Variants in FMNL3 observed in about 807,000 individuals in gnomAD.
FMNL3 encodes the protein formin-like protein 3.
FMNL3 carries 57 observed loss-of-function variants against 119.6 expected under a neutral mutation model. That is an observed-to-expected ratio of 0.48 (90% confidence interval 0.39 to 0.59). The LOEUF (loss-of-function observed/expected upper bound fraction) is 0.59, where lower values mean the gene tolerates loss of function less well. Among genes scored for constraint, FMNL3 ranks in the 20% least tolerant of loss-of-function variants. The pLI, the probability that FMNL3 is intolerant of heterozygous loss-of-function variation, is 0.00. For missense variants in FMNL3, 1,053 were observed against 1,323.5 expected (o/e 0.80, Z 3.17); for synonymous variants, 491 against 507.3 (o/e 0.97, Z 0.43).
At chr12:49,646,202 G>T (rs182459573) in intron 25 of FMNL3, among the ~76,000 whole-genome samples, 1 of 152,186 alleles carries the variant, frequency 6.6e-6, no homozygotes, top group South Asian at 2.1e-4. Flanking sequence ...CTGACTGGAC[G>T]TCAGGAAACA....
At chr12:49,676,534 T>G (rs1944193685) in intron 1 of FMNL3, among the ~76,000 whole-genome samples, 1 of 150,020 alleles carries the variant, frequency 6.7e-6, no homozygotes, top group South Asian at 2.1e-4. Context: ...TTTTTTTTTT[T>G]TTTTTTTTTT....
rs762600633 is a variant in FMNL3 at position 49,637,544 on chromosome 12, C to T, written c.*8271G>A. 3 of 1,613,918 alleles carry T rather than the reference C, an allele frequency of 1.9e-6. No individual in the cohort carries two copies. The highest frequency in any genetic ancestry group is 2.5e-6 in the Non-Finnish European group (3 of 1,180,048). Reference sequence around the variant, plus strand: ...CCTGGATGGAGCTATATCCAGCAGTCAGCACTGATGTCCGCTTTGCCAACA... The same window carrying T: ...CCTGGATGGAGCTATATCCAGCAGTTAGCACTGATGTCCGCTTTGCCAACA... On this transcript the variant is annotated 3_prime_UTR_variant, in exon 26 of 26. Coordinates refer to ENST00000335154, the MANE Select transcript of FMNL3 (RefSeq NM_175736.5).
At chr12:49,703,505 C>T (rs1051734374) in intron 1 of FMNL3, among the ~76,000 whole-genome samples, 3 of 152,152 alleles carry the variant, frequency 2.0e-5, no homozygotes, top group Non-Finnish European at 2.9e-5. Context: ...AGCTTCACAA[C>T]CTTTTTCCCA....
chr12:49,649,925 C>A lies in FMNL3; in HGVS notation c.2001G>T (p.Thr667=). ...SAEEICRAIH[T]FDLQTLPVDF... is the part of the protein sequence containing the mutation. ...CCACAGGTAGTGTCTGCAAGTCAAA[C>A]CTGTGGAGGAGGGAGGGACCACCTC... Residue 667 remains threonine (T), a splice_region_variant and synonymous_variant, in exon 18 of 26, where the codon ACG becomes ACT. Coordinates refer to ENST00000335154, the MANE Select transcript of FMNL3 (RefSeq NM_175736.5). The surrounding 1 kb of genome is among the most constrained non-coding windows in gnomAD (Gnocchi z 5.6). 1 of 1,612,644 alleles carries A rather than the reference C, an allele frequency of 6.2e-7. No individual in the cohort carries two copies.
chr12:49,664,551 C>T (rs958305825), intron 4 of FMNL3, among the ~76,000 whole-genome samples: 32 of 152,272 alleles, frequency 2.1e-4, no homozygotes, highest in African/African-American at 7.5e-4. Context: ...CACAGGGGTA[C>T]TAAGCAGCCC....
chr12:49,694,632 C>T (rs919605133), intron 1 of FMNL3, among the ~76,000 whole-genome samples: 17 of 152,070 alleles, frequency 1.1e-4, no homozygotes, highest in African/African-American at 4.1e-4. Context: ...TATATCAGGA[C>T]GAGTGCGGTG....
intron 1 of FMNL3, among the ~76,000 whole-genome samples, chr12:49,703,545 T>C (rs1944965950): frequency 6.6e-6 from 1 of 151,970 alleles, no homozygotes; most frequent in South Asian, 2.1e-4. Context: ...TATTACTGTT[T>C]CTACAGTACA....
intron 5 of FMNL3, among the ~76,000 whole-genome samples, chr12:49,661,240 T>C (rs1330995533): frequency 6.6e-6 from 1 of 152,252 alleles, no homozygotes; most frequent in African/African-American, 2.4e-5. Context: ...CAAATAATAC[T>C]AAGTGCTTTA....
rs1201907110 is a variant in FMNL3 at position 49,636,967 on chromosome 12, C to G, written c.*8848G>C. 1.4e-6 allele frequency: 2 copies of G among 1,462,418 alleles called. No individual in the cohort carries two copies. Among genetic ancestry groups the G allele is most frequent in the Admixed American group, 1.9e-5 (1 of 52,282 alleles). 90.6% of individuals were successfully genotyped at this position (1,462,418 alleles called of 1,614,324 possible). A position where few individuals can be genotyped will look rare whatever the true frequency, so the allele number is the denominator to read the frequency against. On this transcript the variant is annotated 3_prime_UTR_variant, in exon 26 of 26. Coordinates refer to ENST00000335154, the MANE Select transcript of FMNL3 (RefSeq NM_175736.5). ...TGTTCTTTCTGTGCCTAGCCCTGTCCAAGCTCTATGAGACCTCTCTCTGCC... is the reference window on the plus strand; with the variant it reads ...TGTTCTTTCTGTGCCTAGCCCTGTCGAAGCTCTATGAGACCTCTCTCTGCC...
At position 49,643,447 on chromosome 12, in the gene FMNL3, G is replaced by A; in HGVS notation, c.*2368C>T. 1.3e-6 allele frequency: 2 copies of A among 1,520,792 alleles called. No homozygotes were observed. The highest frequency in any genetic ancestry group is 2.2e-5 in the Admixed American group (1 of 44,896). The allele number at this position is 1,520,792 out of a possible 1,614,324, so 94.2% of individuals were successfully genotyped here. On this transcript the variant is annotated 3_prime_UTR_variant, in exon 26 of 26. Transcript: ENST00000335154. ...AGCTGGAGAACTGTTGTCCCAGACTGAGAGGATGCCCTCCACAAGCCCCAG... is the reference window on the plus strand; with the variant it reads ...AGCTGGAGAACTGTTGTCCCAGACTAAGAGGATGCCCTCCACAAGCCCCAG...
Position 49,637,376 on chromosome 12 carries a change from C to T in FMNL3, c.*8439G>A, listed in dbSNP as rs1471694374. On this transcript the variant is annotated 3_prime_UTR_variant, in exon 26 of 26. Coordinates refer to ENST00000335154, the MANE Select transcript of FMNL3 (RefSeq NM_175736.5). ...TGCATTTCCTCAATCTTGATTGTCC[C>T]TGCCTCTTCCTCTGCCATTCCCTCT... 5 of 808,842 alleles carry T rather than the reference C, an allele frequency of 6.2e-6. No individual in the cohort carries two copies. In the East Asian group the frequency reaches 7.8e-5, roughly 13 times the overall value. 50.1% of individuals were successfully genotyped at this position (808,842 alleles called of 1,614,324 possible).
At chr12:49,678,156 C>G (rs1386585239) in intron 1 of FMNL3, among the ~76,000 whole-genome samples, 1 of 135,894 alleles carries the variant, frequency 7.4e-6, no homozygotes, top group African/African-American at 2.8e-5. Context: ...GCCACCGTGC[C>G]CGGCCTATTT....
chr12:49,671,069 G>T (rs996488034), intron 1 of FMNL3, among the ~76,000 whole-genome samples: 1 of 152,218 alleles, frequency 6.6e-6, no homozygotes, highest in African/African-American at 2.4e-5. Context: ...ATGGAGGAGG[G>T]GGCAGCCTGT....
At chr12:49,686,454 T>C (rs1434333456) in intron 1 of FMNL3, among the ~76,000 whole-genome samples, 1 of 151,528 alleles carries the variant, frequency 6.6e-6, no homozygotes, top group Admixed American at 6.6e-5. Context: ...GGCGGGCGCC[T>C]GTAGTCCCAG....
chr12:49,665,160 C>T (rs1183402499), intron 4 of FMNL3, among the ~76,000 whole-genome samples: 1 of 151,976 alleles, frequency 6.6e-6, no homozygotes, highest in Non-Finnish European at 1.5e-5. Context: ...CCAATACCCT[C>T]TTTCACTGTA....
chr12:49,662,822 T>C (rs934205583), intron 4 of FMNL3, among the ~76,000 whole-genome samples: 2 of 152,216 alleles, frequency 1.3e-5, no homozygotes, highest in Non-Finnish European at 2.9e-5. Context: ...GAGATATTCC[T>C]GGAATGAAAG....
intron 9 of FMNL3, among the ~76,000 whole-genome samples, chr12:49,655,849 C>T (rs1393079816): frequency 1.3e-5 from 2 of 152,148 alleles, no homozygotes; most frequent in Non-Finnish European, 2.9e-5. Context: ...GTCGAAGAAT[C>T]CTATGTTCAA....
chr12:49,673,448 C>T (rs2138897400), intron 1 of FMNL3, among the ~76,000 whole-genome samples: 2 of 152,368 alleles, frequency 1.3e-5, no homozygotes, highest in South Asian at 4.1e-4. Context: ...CTGCCCCAAG[C>T]CAGTGGCAAA....
chr12:49,652,180 G>A lies in FMNL3; in HGVS notation c.1356C>T (p.His452=), dbSNP rs770822191. 1.9e-6 allele frequency: 3 copies of A among 1,613,192 alleles called. No homozygotes were observed. Among genetic ancestry groups the A allele is most frequent in the Non-Finnish European group, 2.5e-6 (3 of 1,179,772 alleles). Residue 452 remains histidine, a synonymous_variant, in exon 14 of 26, where the codon CAC becomes CAT. Transcript: ENST00000335154. Reference sequence around the variant, plus strand: ...TCTCTTTAATGAGCCTCCGCAGGGTGTGCACCTGGTGGCTTGTGTTCTCAT... The same window carrying A: ...TCTCTTTAATGAGCCTCCGCAGGGTATGCACCTGGTGGCTTGTGTTCTCAT... ...ETYENTSHQV[H]TLRRLIKEKE...
Sources: allele counts gnomAD v4.1 joint callset (sites outside exome capture counted in the v4.1 genomes callset), GRCh38; gene constraint gnomAD v4.1.1; non-coding constraint Gnocchi (gnomAD v3.1); transcripts MANE v1.5; gene names NCBI Gene and HGNC (gene_info 2026-07-23, HGNC 2026-07-21).